TP63: variants seen among roughly 807,000 people sequenced by gnomAD.
The protein encoded by TP63 is tumor protein 63.
In TP63, 17 loss-of-function variants were observed where a neutral mutation model predicts 82.8. The ratio of observed to expected loss-of-function variants is 0.21; its 90% CI spans 0.14 to 0.31. The LOEUF (loss-of-function observed/expected upper bound fraction) is 0.31. Among genes scored for constraint, TP63 ranks in the 10% least tolerant of loss-of-function variants. The probability of loss-of-function intolerance (pLI) is 1.00; values close to 1 mark genes in which losing one functional copy is unlikely to be tolerated. For synonymous variants in TP63, 330 were observed against 321.7 expected, an observed-to-expected ratio of 1.03 and a Z score of -0.28; for missense variants, 648 against 895.3, an observed-to-expected ratio of 0.72 and a Z score of 3.52.
chr3:189,622,816 G>A, the TP63 span, among the ~76,000 whole-genome samples: 1 of 152,164 alleles, frequency 6.6e-6, no homozygotes, highest in Non-Finnish European at 1.5e-5. Context: ...ACATGAAATG[G>A]AGGTAATGAC....
intron 1 of TP63, among the ~76,000 whole-genome samples, chr3:189,681,920 G>A (rs1715939540): frequency 6.6e-6 from 1 of 152,072 alleles, no homozygotes; most frequent in South Asian, 2.1e-4. Context: ...GACCAAAATA[G>A]CAATGCAAAG....
chr3:189,816,489 A>G (rs1016552003), intron 4 of TP63, among the ~76,000 whole-genome samples: 1 of 152,172 alleles, frequency 6.6e-6, no homozygotes, highest in Non-Finnish European at 1.5e-5. Context: ...TTCTCATGAA[A>G]AGTCCTCAGC....
chr3:189,788,833 C>G (rs991645486), intron 3 of TP63, among the ~76,000 whole-genome samples: 1 of 151,130 alleles, frequency 6.6e-6, no homozygotes, highest in Admixed American at 6.6e-5. Context: ...AGATGCATCA[C>G]GTGCAGTAAT....
chr3:189,696,746 G>A (rs993863663), intron 1 of TP63, among the ~76,000 whole-genome samples: 1 of 151,986 alleles, frequency 6.6e-6, no homozygotes, highest in Non-Finnish European at 1.5e-5. Context: ...ATTATAATAA[G>A]TATATTGAGA....
the TP63 span, among the ~76,000 whole-genome samples, chr3:189,604,225 C>T: frequency 3.9e-5 from 6 of 152,104 alleles, no homozygotes; most frequent in Admixed American, 2.0e-4. Context: ...TTGGTTTTAA[C>T]GTCCTCATCA....
intron 1 of TP63, among the ~76,000 whole-genome samples, chr3:189,732,709 A>G (rs1720263429): frequency 6.6e-6 from 1 of 152,236 alleles, no homozygotes; most frequent in Admixed American, 6.5e-5. Context: ...TCATTAGCAG[A>G]ACTGAGATTG....
At chr3:189,880,951 C>T in intron 10 of TP63, 1 of 985,350 alleles carries the variant, frequency 1.0e-6, no homozygotes, top group Non-Finnish European at 1.2e-6. Flanking sequence ...TGTTGTTTGG[C>T]CCCCATAGCA....
rs73057261 is a variant in TP63, at chr3:189,841,647, T to C, written c.580-22585T>C. On this transcript the variant is annotated intron_variant, in intron 4 of 13. Coordinates refer to ENST00000264731, the MANE Select transcript of TP63 (RefSeq NM_003722.5). ...CGCCAAGGATACCTGAGTCATTTCA[T>C]AGAAATTGAGCTGTGAGTGCCTCCC... 6.9e-3 allele frequency among the ~76,000 whole-genome samples: 1,046 copies of C among 152,300 alleles called. 7 individuals are homozygous for C. The highest frequency in any genetic ancestry group is 0.023 in the African/African-American group (935 of 41,546).
chr3:189,798,622 G>A (rs559961209), intron 3 of TP63, among the ~76,000 whole-genome samples: 1 of 152,120 alleles, frequency 6.6e-6, no homozygotes, highest in Non-Finnish European at 1.5e-5. Context: ...CCTCACCAGA[G>A]ATGGGGGAAG....
Position 189,738,688 on chromosome 3 carries a change from C to A in TP63, c.238C>A (p.Pro80Thr). The A allele has an allele frequency of 6.2e-7, 1 of 1,614,142 alleles. No homozygotes were observed. Among genetic ancestry groups the A allele is most frequent in the Non-Finnish European group, 8.5e-7 (1 of 1,180,006 alleles). ...QPIDLNFVDE[P>T]SEDGATNKIE... ...CATTGACTTGAACTTTGTGGATGAA[C>A]CATCAGAAGATGGTGCGACAAACAA... Residue 80 changes from proline to threonine, a missense_variant, in exon 3 of 14, where the codon CCA becomes ACA. Physicochemically the swap from Pro to Thr is conservative, Grantham distance 38. Coordinates refer to ENST00000264731, the MANE Select transcript of TP63 (RefSeq NM_003722.5).
rs1390819855 is a variant in TP63, at chr3:189,873,002, G to A, written c.1349+7G>A. The A allele has an allele frequency of 3.1e-6, 5 of 1,614,146 alleles. No homozygotes were observed. Among genetic ancestry groups the A allele is most frequent in the Middle Eastern group, 1.7e-4 (1 of 6,060 alleles). On this transcript the variant is annotated splice_region_variant and intron_variant, in intron 10 of 13. Transcript: ENST00000264731. The stretch of plus-strand genomic sequence containing the variant: ...AGCACTTACTTCAGAAACAGTGAGT[G>A]TATCAACGTGTCATTTTAGGAGGCA...
At chr3:189,663,837 G>A (rs934773144) in intron 1 of TP63, among the ~76,000 whole-genome samples, 3 of 151,776 alleles carry the variant, frequency 2.0e-5, no homozygotes, top group African/African-American at 2.4e-5. Flanking sequence ...CTGAGCCACC[G>A]CACCCAGCCA....
At chr3:189,693,351 G>A (rs1395374699) in intron 1 of TP63, among the ~76,000 whole-genome samples, 1 of 152,224 alleles carries the variant, frequency 6.6e-6, no homozygotes. Context: ...TTCAGATTGA[G>A]GAACAGACAC....
the TP63 span, among the ~76,000 whole-genome samples, chr3:189,614,585 C>T: frequency 1.4e-3 from 211 of 152,292 alleles, 1 homozygote; most frequent in East Asian, 2.5e-3. Context: ...CCTTGTAAGA[C>T]GTCCTATGTA....
chr3:189,667,300 G>A (rs536062391), intron 1 of TP63, among the ~76,000 whole-genome samples: 8 of 150,452 alleles, frequency 5.3e-5, no homozygotes, highest in African/African-American at 1.7e-4. Context: ...TCAGCCTCCC[G>A]AGTAGCTGGG....
intron 10 of TP63, among the ~76,000 whole-genome samples, chr3:189,875,604 A>ACGTATATATACG (rs1718991371): frequency 3.8e-5 from 2 of 53,126 alleles, no homozygotes; most frequent in African/African-American, 1.3e-4. Context: ...ATATATATAT[A>ACGTATATATACG]TATATATATA....
chr3:189,773,570 G>A (rs1723534748), intron 3 of TP63, among the ~76,000 whole-genome samples: 1 of 152,138 alleles, frequency 6.6e-6, no homozygotes, highest in African/African-American at 2.4e-5. Context: ...CTGATTCCTA[G>A]GAGAGTTAAA....
intron 4 of TP63, among the ~76,000 whole-genome samples, chr3:189,810,487 A>C (rs936977843): frequency 1.3e-5 from 2 of 152,156 alleles, no homozygotes; most frequent in Non-Finnish European, 2.9e-5. Context: ...TTAGAAAACC[A>C]TGGGGATGAA....
At chr3:189,817,937 T>G (rs1053595453) in intron 4 of TP63, among the ~76,000 whole-genome samples, 1 of 151,848 alleles carries the variant, frequency 6.6e-6, no homozygotes. Flanking sequence ...ATGTAAATAC[T>G]TATTTAAATG....
Sources: gnomAD v4.1 joint callset for allele counts (sites outside exome capture counted in the v4.1 genomes callset) on GRCh38, gnomAD v4.1.1 for gene constraint, MANE v1.5 for transcripts, NCBI Gene and HGNC (gene_info 2026-07-23, HGNC 2026-07-21) for gene names.